The following MAP3K5 variants were observed in gnomAD, a reference collection of about 807,000 sequenced individuals.
MAP3K5 encodes the protein ASK-1.
MAP3K5 carries 56 observed loss-of-function variants against 158.7 expected under a neutral mutation model. That is an observed-to-expected ratio of 0.35 (90% CI 0.28 to 0.44). The LOEUF (loss-of-function observed/expected upper bound fraction) is 0.44. MAP3K5 is among the 20% of genes least tolerant of loss of function. MAP3K5 has a pLI of 1.00. For missense variants in MAP3K5, 1,294 were observed against 1,674.8 expected (o/e 0.77, Z 3.97); for synonymous variants, 579 against 601.7 (o/e 0.96, Z 0.55).
chr6:136,659,483 A>G, intron 8 of MAP3K5, 105 bp from the exon 9 acceptor site: 1 of 1,050,478 alleles, frequency 9.5e-7, no homozygotes, highest in East Asian at 2.4e-5. Context: ...TTTTCAGATT[A>G]AAACAGCTTT....
At chr6:136,728,154 A>T (rs933520956) in intron 1 of MAP3K5, among the ~76,000 whole-genome samples, 1 of 152,204 alleles carries the variant, frequency 6.6e-6, no homozygotes, top group African/African-American at 2.4e-5. Flanking sequence ...GGGTAATAAC[A>T]TTAAGCTATT....
At chr6:136,754,210 T>C (rs1248173122) in intron 1 of MAP3K5, among the ~76,000 whole-genome samples, 4 of 151,480 alleles carry the variant, frequency 2.6e-5, no homozygotes, top group African/African-American at 9.7e-5. Context: ...GAGGCAGACG[T>C]TGCAGTGAGC....
At chr6:136,725,445 T>C (rs1781927835) in intron 1 of MAP3K5, among the ~76,000 whole-genome samples, 1 of 152,210 alleles carries the variant, frequency 6.6e-6, no homozygotes, top group African/African-American at 2.4e-5. Context: ...TGTATTTCCC[T>C]AATGACTAAT....
chr6:136,672,969 AAC>A (rs1245341141), intron 7 of MAP3K5, among the ~76,000 whole-genome samples: 1 of 150,558 alleles, frequency 6.6e-6, no homozygotes, highest in African/African-American at 2.5e-5. Flanking sequence ...CTCCCTGGGC[AAC>A]AGAGAAAGAC....
intron 8 of MAP3K5, among the ~76,000 whole-genome samples, 174 bp from the exon 9 acceptor site, chr6:136,659,552 G>C (rs1040044285): frequency 7.9e-5 from 12 of 152,170 alleles, no homozygotes; most frequent in Non-Finnish European, 1.5e-5. Context: ...TCATAAAAAG[G>C]AATGGAACAC....
At chr6:136,607,448 C>T (rs1776150121) in intron 18 of MAP3K5, among the ~76,000 whole-genome samples, 1 of 152,192 alleles carries the variant, frequency 6.6e-6, no homozygotes, top group Non-Finnish European at 1.5e-5. Context: ...GTGTTCTTAT[C>T]TGCTCCTCTT....
rs1781866027 is a variant in MAP3K5, at chr6:136,724,301, TGCAGGG to T, written c.449-3718_449-3713del. Among the ~76,000 whole-genome samples the T allele has an allele frequency of 2.7e-5, 4 of 148,286 alleles. No homozygotes were observed. In the Admixed American group the frequency reaches 2.8e-4, roughly 10 times the overall value. ...TCTTACTCTGTCTCCCAGGCTGGAG[TGCAGGG>T]GCACAACCTCAGCTCACTGCAACCT... On this transcript the variant is annotated intron_variant, in intron 1 of 29. Transcript: ENST00000359015.
intron 14 of MAP3K5, among the ~76,000 whole-genome samples, chr6:136,628,043 CCAAAA>C (rs1478156625): frequency 9.9e-5 from 15 of 151,828 alleles, no homozygotes; most frequent in Admixed American, 4.6e-4. Context: ...GAACTAGATC[CCAAAA>C]CAAAACATTT....
chr6:136,652,869 C>T (rs796544298), intron 10 of MAP3K5, among the ~76,000 whole-genome samples: 3 of 152,228 alleles, frequency 2.0e-5, no homozygotes, highest in African/African-American at 7.2e-5. Flanking sequence ...GTGAGAAATG[C>T]ATAGCACACA....
At chr6:136,610,286 T>TA (rs1457545393) in intron 18 of MAP3K5, among the ~76,000 whole-genome samples, 2 of 152,100 alleles carry the variant, frequency 1.3e-5, no homozygotes, top group Admixed American at 1.3e-4. Flanking sequence ...ATGAATCTCT[T>TA]GAGTCTGAGC....
At chr6:136,730,721 CAAAAAA>C (rs377188561) in intron 1 of MAP3K5, among the ~76,000 whole-genome samples, 109 of 87,324 alleles carry the variant, frequency 1.2e-3, no homozygotes, top group Middle Eastern at 6.2e-3. Flanking sequence ...AACTCTGCCT[CAAAAAA>C]AAAAAAAAAA....
chr6:136,580,331 C>T lies in MAP3K5; in HGVS notation c.3487G>A (p.Val1163Ile), dbSNP rs756997652. ...ACCAGGATGGTAATGGCTGTCTGTACCGCCTTCCGAATGATACTGTCTAAG... is the reference window on the plus strand; with the variant it reads ...ACCAGGATGGTAATGGCTGTCTGTATCGCCTTCCGAATGATACTGTCTAAG... ...FALDSIIRKA[V>I]QTAITILVPE... The change falls in exon 25 of 30, where the codon GTA becomes ATA. Residue 1163 changes from valine to isoleucine, a missense_variant. Coordinates refer to ENST00000359015, the MANE Select transcript of MAP3K5 (RefSeq NM_005923.4). 9 of 1,613,272 alleles carry T rather than the reference C, an allele frequency of 5.6e-6. No individual in the cohort carries two copies. In the East Asian group the frequency reaches 1.8e-4, roughly 32 times the overall value.
chr6:136,672,041 T>C (rs904849521), intron 7 of MAP3K5, among the ~76,000 whole-genome samples: 2 of 152,184 alleles, frequency 1.3e-5, no homozygotes, highest in African/African-American at 4.8e-5. Context: ...GGGCATTTGT[T>C]ACAAGATGAA....
intron 2 of MAP3K5, among the ~76,000 whole-genome samples, chr6:136,710,009 G>T (rs1781240918): frequency 6.6e-6 from 1 of 152,174 alleles, no homozygotes. Context: ...ATGCTAAAGG[G>T]CTACAAATCC....
chr6:136,621,430 C>T (rs375229995), intron 15 of MAP3K5, among the ~76,000 whole-genome samples: 96 of 152,286 alleles, frequency 6.3e-4, no homozygotes, highest in African/African-American at 2.2e-3. Flanking sequence ...CTGACACTTG[C>T]TATGTTGCTT....
At chr6:136,703,933 A>G (rs1165216219) in intron 3 of MAP3K5, among the ~76,000 whole-genome samples, 1 of 152,216 alleles carries the variant, frequency 6.6e-6, no homozygotes, top group African/African-American at 2.4e-5. Context: ...GCAGAGGTAC[A>G]TTCTTTAAGG....
At chr6:136,575,232 G>A (rs1034901594) in intron 25 of MAP3K5, among the ~76,000 whole-genome samples, 3 of 149,078 alleles carry the variant, frequency 2.0e-5, no homozygotes, top group African/African-American at 7.5e-5. Flanking sequence ...TGCAATCTCA[G>A]CTCACTGTGG....
chr6:136,622,773 A>T, intron 15 of MAP3K5, 75 bp downstream of exon 15: 1 of 1,450,510 alleles, frequency 6.9e-7, no homozygotes, highest in South Asian at 1.2e-5. Context: ...TTAGAATATC[A>T]TCAAGTATTT....
intron 1 of MAP3K5, among the ~76,000 whole-genome samples, chr6:136,723,564 T>C (rs1187981334): frequency 1.3e-5 from 2 of 152,200 alleles, no homozygotes; most frequent in Non-Finnish European, 2.9e-5. Context: ...ATTATGAACA[T>C]TGATTACTTT....
Sources: allele counts gnomAD v4.1 joint callset (sites outside exome capture counted in the v4.1 genomes callset), GRCh38; gene constraint gnomAD v4.1.1; transcripts MANE v1.5; gene names NCBI Gene and HGNC (gene_info 2026-07-23, HGNC 2026-07-21).